The following CCDC183 variants were observed in gnomAD, a reference collection of about 807,000 sequenced individuals.
The protein encoded by CCDC183 is coiled-coil domain containing 183, also known as coiled-coil domain-containing protein 183.
CCDC183 carries 63 observed loss-of-function variants against 65.2 expected under a neutral mutation model. The ratio of observed to expected loss-of-function variants is 0.97; its 90% CI spans 0.79 to 1.19. The LOEUF is 1.19. CCDC183 is among the 50% of genes most tolerant of loss of function. The pLI is 0.00. For missense variants in CCDC183, 769 were observed against 689.3 expected (o/e 1.12, Z -1.30); for synonymous variants, 323 against 276.5 (o/e 1.17, Z -1.67).
intron 1 of CCDC183, among the ~76,000 whole-genome samples, chr9:136,797,787 C>G (rs1369547038): frequency 2.0e-5 from 3 of 152,114 alleles, no homozygotes; most frequent in Non-Finnish European, 4.4e-5. Flanking sequence ...ACGAGAAATA[C>G]CCGCAGGTGT....
rs368552079 is a variant in CCDC183, at chr9:136,804,613, G to A, written c.778G>A (p.Glu260Lys). 84 of 1,613,718 alleles carry A rather than the reference G, an allele frequency of 5.2e-5. No homozygotes were observed. Among genetic ancestry groups the A allele is most frequent in the African/African-American group, 1.7e-4 (13 of 75,040 alleles). Residue 260 changes from glutamate (E) to lysine (K), a missense_variant, in exon 7 of 14, where the codon GAG (glutamate) becomes AAG (lysine). Physicochemically the swap from Glu to Lys is moderately conservative, Grantham distance 56. Coordinates refer to ENST00000338005, the MANE Select transcript of CCDC183 (RefSeq NM_001039374.5). The surrounding 1 kb of genome is among the most constrained non-coding windows in gnomAD (Gnocchi z 4.1). ...CAAGATCCACACGAAGGAGACCAGC[G>A]AGAAGTACCGCCGGGTAAGCCCCAG... is the stretch of plus-strand genomic sequence containing the variant. ...IDKIHTKETSEKYRRGQMDLD... is the reference protein window; with the variant it reads ...IDKIHTKETSKKYRRGQMDLD...
Position 136,806,795 on chromosome 9 carries a change from C to T in CCDC183, c.1317C>T (p.Ser439=), listed in dbSNP as rs776369591. ...TCTCCAACACCCTCGATTTGAACAGCAAGCTGGCGTACTGCGAGGGGAAGC... is the reference window on the plus strand; with the variant it reads ...TCTCCAACACCCTCGATTTGAACAGTAAGCTGGCGTACTGCGAGGGGAAGC... The part of the protein sequence containing the change: ...VVLSNTLDLN[S]KLAYCEGKLT... Residue 439 remains serine (S), a synonymous_variant, in exon 12 of 14, where the codon AGC becomes AGT. Transcript: ENST00000338005. 6.2e-7 allele frequency: 1 copy of T among 1,613,642 alleles called. No homozygotes were observed. The highest frequency in any genetic ancestry group is 8.5e-7 in the Non-Finnish European group (1 of 1,180,018).
In CCDC183 at chr9:136,804,042, AC is replaced by A. The variant is rs1564350733; in HGVS notation, c.667-459del. The A allele has an allele frequency of 1.2e-5, 2 of 173,100 alleles. No individual in the cohort carries two copies. The highest frequency in any genetic ancestry group is 2.5e-5 in the Non-Finnish European group (2 of 80,174). The allele number at this position is 173,100 out of a possible 1,614,324, so 10.7% of individuals were successfully genotyped here. On this transcript the variant is annotated intron_variant, in intron 6 of 13. Transcript: ENST00000338005. This position sits in a 1 kb window ranked among gnomAD's most constrained non-coding sequence, Gnocchi z 4.1. ...GTGGCCAGGAGCAACGGAGCTGAGAACTCCTCAAGAGGCAACCCCACTAAGC... is the reference window on the plus strand; with the variant it reads ...GTGGCCAGGAGCAACGGAGCTGAGAATCCTCAAGAGGCAACCCCACTAAGC...
intron 5 of CCDC183, 70 bp from the exon 6 acceptor site, chr9:136,802,594 C>T (rs1423713775): frequency 4.1e-5 from 63 of 1,537,556 alleles, no homozygotes; most frequent in Non-Finnish European, 2.8e-5. Flanking sequence ...GGCTCTTAGT[C>T]GGGGGATAAA....
rs550738476 is a variant in CCDC183 at position 136,800,013 on chromosome 9, G to A, written c.282G>A (p.Glu94=). ...HCRSTMEVVR[E]KLRKYVFDRV... is the part of the protein sequence containing the mutation. ...CCTTCCCGACCCAGGTGGTGCGGGA[G>A]AAGCTGCGCAAGTACGTCTTCGACC... is the stretch of plus-strand genomic sequence containing the variant. Residue 94 remains glutamate (E), a synonymous_variant, in exon 4 of 14, where the codon GAG becomes GAA. Transcript: ENST00000338005. 1.1e-5 allele frequency: 18 copies of A among 1,589,268 alleles called. No individual in the cohort carries two copies. The East Asian group carries it at 3.4e-4, about 30-fold the overall frequency.
Position 136,799,148 on chromosome 9 carries a change from C to T in CCDC183, c.117C>T (p.Asp39=), listed in dbSNP as rs767797021. 2 of 1,613,430 alleles carry T rather than the reference C, an allele frequency of 1.2e-6. No individual in the cohort carries two copies. Among genetic ancestry groups the T allele is most frequent in the South Asian group, 1.1e-5 (1 of 91,068 alleles). The stretch of plus-strand genomic sequence containing the variant: ...TCCAAGGGGTGAAAGAGAATATGGA[C>T]CAGAACAAGGCCACGCTGGCCCTCC... ...LQIQGVKENM[D]QNKATLALLR... Residue 39 remains aspartate, a synonymous_variant, in exon 2 of 14, where the codon GAC becomes GAT. Transcript: ENST00000338005.
intron 10 of CCDC183, 122 bp downstream of exon 10, chr9:136,806,360 GC>G: frequency 7.2e-7 from 1 of 1,381,326 alleles, no homozygotes; most frequent in Non-Finnish European, 9.9e-7. Flanking sequence ...CCACAGAGGG[GC>G]CAGGGGACTC....
At chr9:136,797,532 G>C (rs1847671856) in intron 1 of CCDC183, among the ~76,000 whole-genome samples, 1 of 151,784 alleles carries the variant, frequency 6.6e-6, no homozygotes, top group Non-Finnish European at 1.5e-5. Context: ...TCCACCTCCT[G>C]GGTTCACGTC....
rs767240997 is a variant in CCDC183 at position 136,806,677 on chromosome 9, C to A, written c.1278+5C>A. On this transcript the variant is annotated splice_donor_5th_base_variant and intron_variant, in intron 11 of 13. Transcript: ENST00000338005. ...ATTAACTTGCCTGCGACCCAGGTAC[C>A]GGGAGTGAGGCTGAGCTGCCACACA... 2 of 1,613,144 alleles carry A rather than the reference C, an allele frequency of 1.2e-6. No homozygotes were observed. The highest frequency in any genetic ancestry group is 3.3e-5 in the Admixed American group (2 of 60,004).
At chr9:136,801,936 C>T (rs969205057) in intron 5 of CCDC183, among the ~76,000 whole-genome samples, 8 of 151,908 alleles carry the variant, frequency 5.3e-5, no homozygotes, top group African/African-American at 1.9e-4. Context: ...TACAGGCGCC[C>T]ACTACCACGC....
In CCDC183 at chr9:136,800,187, G is replaced by C; in HGVS notation, c.438+18G>C. On this transcript the variant is annotated intron_variant, in intron 4 of 13. Coordinates refer to ENST00000338005, the MANE Select transcript of CCDC183 (RefSeq NM_001039374.5). The stretch of plus-strand genomic sequence containing the variant: ...TGCTGCAGGTGGAGAGGCGGGGCTG[G>C]GAGGGCGGGGCGGAGTCCACTGGGG... The C allele has an allele frequency of 6.7e-7, 1 of 1,498,828 alleles. No individual in the cohort carries two copies. The highest frequency in any genetic ancestry group is 8.9e-7 in the Non-Finnish European group (1 of 1,117,608). The allele number at this position is 1,498,828 out of a possible 1,614,324, so 92.8% of individuals were successfully genotyped here. A position where few individuals can be genotyped will look rare whatever the true frequency, so the allele number is the denominator to read the frequency against.
rs890269507 is a variant in CCDC183, at chr9:136,804,799, G to A, written c.830G>A (p.Ser277Asn). 5 of 1,613,706 alleles carry A rather than the reference G, an allele frequency of 3.1e-6. No individual in the cohort carries two copies. The highest frequency in any genetic ancestry group is 2.2e-5 in the East Asian group (1 of 44,874). The change falls in exon 8 of 14, where the codon AGC becomes AAC. Residue 277 changes from serine (S) to asparagine (N), a missense_variant. By Grantham distance (46) the Ser-to-Asn change is conservative (BLOSUM62 1). Transcript: ENST00000338005. This position sits in a 1 kb window ranked among gnomAD's most constrained non-coding sequence, Gnocchi z 4.1. ...MDLDFPSNLMSTETLKLRRKE... is the reference protein window; with the variant it reads ...MDLDFPSNLMNTETLKLRRKE... ...TTGGACTTCCCCTCGAACCTGATGA[G>A]CACGGAGACCCTGAAATGTAAGCGC... is the stretch of plus-strand genomic sequence containing the variant.
chr9:136,796,466 G>A lies in CCDC183; in HGVS notation c.69G>A (p.Gln23=). 1.9e-6 allele frequency: 3 copies of A among 1,561,236 alleles called. No individual in the cohort carries two copies. Among genetic ancestry groups the A allele is most frequent in the Non-Finnish European group, 2.6e-6 (3 of 1,151,266 alleles). ...AGCTGAAGACCATCACTCAGCTCCA[G>A]GGTGAGCCTGCACCGCCGTGACCAG... ...TQELKTITQL[Q]EQCRALQIQG... Residue 23 remains glutamine, a splice_region_variant and synonymous_variant, in exon 1 of 14, where the codon CAG becomes CAA. Transcript: ENST00000338005.
At position 136,804,730 on chromosome 9, in the gene CCDC183, C is replaced by G; in HGVS notation, c.793-32C>G. Reference sequence around the variant, plus strand: ...AGGGCCCACTCCCTGCCAAGGATGTCTCATCCCTTCCCCGCCCCCACCTCC... The same window carrying G: ...AGGGCCCACTCCCTGCCAAGGATGTGTCATCCCTTCCCCGCCCCCACCTCC... On this transcript the variant is annotated intron_variant, in intron 7 of 13. Coordinates refer to ENST00000338005, the MANE Select transcript of CCDC183 (RefSeq NM_001039374.5). The surrounding 1 kb of genome is among the most constrained non-coding windows in gnomAD (Gnocchi z 4.1). The G allele has an allele frequency of 6.2e-7, 1 of 1,613,282 alleles. No homozygotes were observed. The highest frequency in any genetic ancestry group is 8.5e-7 in the Non-Finnish European group (1 of 1,179,522).
rs201531777 is a variant in CCDC183 at position 136,807,643 on chromosome 9, C to G, written c.1558C>G (p.Arg520Gly). 6.2e-7 allele frequency: 1 copy of G among 1,602,312 alleles called. No homozygotes were observed. Among genetic ancestry groups the G allele is most frequent in the Non-Finnish European group, 8.5e-7 (1 of 1,175,182 alleles). The change falls in exon 14 of 14, where the codon CGG becomes GGG. Residue 520 changes from arginine to glycine, a missense_variant. Transcript: ENST00000338005. Reference protein sequence around the residue: ...SRAEIKRQAQRLIEGKLKAAK... With the variant: ...SRAEIKRQAQGLIEGKLKAAK... ...CGCCGAGATCAAGAGGCAGGCGCAG[C>G]GGCTAATCGAGGGGAAGCTCAAGGC... is the stretch of plus-strand genomic sequence containing the variant.
At position 136,806,755 on chromosome 9, in the gene CCDC183, A is replaced by G; in HGVS notation, c.1279-2A>G. 1.2e-6 allele frequency: 2 copies of G among 1,613,522 alleles called. No individual in the cohort carries two copies. The highest frequency in any genetic ancestry group is 1.7e-6 in the Non-Finnish European group (2 of 1,180,016). ...AGATGAGACCCTCCTCCCGGCCTAC[A>G]GAGAGAAGTGGTGCTCTCCAACACC... On this transcript the variant is annotated splice_acceptor_variant, in intron 11 of 13. Coordinates refer to ENST00000338005, the MANE Select transcript of CCDC183 (RefSeq NM_001039374.5). LOFTEE classifies it high-confidence loss of function.
At position 136,807,041 on chromosome 9, in the gene CCDC183, T is replaced by G; in HGVS notation, c.1461T>G (p.Phe487Leu). The G allele has an allele frequency of 2.5e-6, 4 of 1,613,248 alleles. No homozygotes were observed. The East Asian group carries it at 8.9e-5, about 36-fold the overall frequency. Residue 487 changes from phenylalanine (F) to leucine (L), a missense_variant, in exon 13 of 14, where the codon TTT (phenylalanine) becomes TTG (leucine). Physicochemically the swap from Phe to Leu is conservative, Grantham distance 22 (BLOSUM62 0). Transcript: ENST00000338005. Reference protein sequence around the residue: ...LMEKYNTRISFENREEDMIDT... With the variant: ...LMEKYNTRISLENREEDMIDT... ...AGAAGTACAACACCAGGATCAGCTT[T>G]GAGAACCGGGAGGAGGATATGATCG... is the stretch of plus-strand genomic sequence containing the variant.
intron 13 of CCDC183, 158 bp from the exon 14 acceptor site, chr9:136,807,414 G>A (rs2131143262): frequency 2.1e-6 from 2 of 962,326 alleles, no homozygotes; most frequent in East Asian, 2.7e-5. Flanking sequence ...AGCGTGAGCC[G>A]CTGCGAATGG....
chr9:136,799,645 G>C, intron 2 of CCDC183, 68 bp from the exon 3 acceptor site: 2 of 1,360,666 alleles, frequency 1.5e-6, no homozygotes, highest in Non-Finnish European at 2.1e-6. Flanking sequence ...TGGGGAGAAT[G>C]CCTGGAGGAG....
Sources: gnomAD v4.1 joint callset for allele counts (sites outside exome capture counted in the v4.1 genomes callset) on GRCh38, gnomAD v4.1.1 for gene constraint, Gnocchi (gnomAD v3.1) non-coding constraint, MANE v1.5 for transcripts, NCBI Gene and HGNC (gene_info 2026-07-23, HGNC 2026-07-21) for gene names.